TTN: variants seen among roughly 807,000 people sequenced by gnomAD.
TTN encodes the protein connectin.
A neutral mutation model predicts 3,223.0 loss-of-function variants in TTN; 1,525 were observed. The observed-to-expected ratio is 0.47, with a 90% CI of 0.45 to 0.49. The LOEUF (loss-of-function observed/expected upper bound fraction) is 0.49. Ranked by LOEUF, TTN falls within the 20% of genes least tolerant of loss-of-function variation. The pLI, the probability that TTN is intolerant of heterozygous loss-of-function variation, is 0.00. For synonymous variants in TTN, 14,094 were observed against 15,161.0 expected, an observed-to-expected ratio of 0.93 and a Z score of 5.17; for missense variants, 40,786 against 43,424.0, an observed-to-expected ratio of 0.94 and a Z score of 5.40.
chr2:178,704,419 A>G lies in TTN; in HGVS notation c.29963-12T>C. The G allele has an allele frequency of 6.2e-7, 1 of 1,609,438 alleles. No homozygotes were observed. Among genetic ancestry groups the G allele is most frequent in the Non-Finnish European group, 8.5e-7 (1 of 1,176,890 alleles). On this transcript the variant is annotated splice_polypyrimidine_tract_variant and intron_variant, in intron 105 of 362. Coordinates refer to ENST00000589042, the MANE Select transcript of TTN (RefSeq NM_001267550.2). Reference sequence around the variant, plus strand: ...TTCCCATGCAGGCTCTGTTCATGTGATACAACACGCATTTTGTTCAATATC... The same window carrying G: ...TTCCCATGCAGGCTCTGTTCATGTGGTACAACACGCATTTTGTTCAATATC...
Position 178,551,689 on chromosome 2 carries a change from G to A in TTN, c.91211C>T (p.Ser30404Phe). The change falls in exon 335 of 363, where the codon TCT becomes TTT. Residue 30404 changes from serine (S) to phenylalanine (F), a missense_variant. Physicochemically the swap from Ser to Phe is radical, Grantham distance 155 (BLOSUM62 -2). Transcript: ENST00000589042. ...DYQFRVYAENSAGLSSPSDPS... is the reference protein window; with the variant it reads ...DYQFRVYAENFAGLSSPSDPS... ...GTCACTAGGTGAGCTTAGGCCAGCA[G>A]AATTTTCAGCATATACACGGAATTG... 1 of 1,612,070 alleles carries A rather than the reference G, an allele frequency of 6.2e-7. No homozygotes were observed. The highest frequency in any genetic ancestry group is 8.5e-7 in the Non-Finnish European group (1 of 1,178,618).
chr2:178,654,207 C>G lies in TTN; in HGVS notation c.38380+1G>C, dbSNP rs1344102551. On this transcript the variant is annotated splice_donor_variant, in intron 193 of 362. Transcript: ENST00000589042. LOFTEE classifies it high-confidence loss of function. ...CTTAGCAGAGGAGAGGGAATAAATA[C>G]CTTTTGCACGTGGGGCTTCCGGTTT... 5 of 1,595,144 alleles carry G rather than the reference C, an allele frequency of 3.1e-6. No homozygotes were observed. The highest frequency in any genetic ancestry group is 1.1e-5 in the South Asian group (1 of 88,090).
At position 178,738,195 on chromosome 2, in the gene TTN, T is replaced by A; in HGVS notation, c.14258A>T (p.Tyr4753Phe). 2 of 1,613,746 alleles carry A rather than the reference T, an allele frequency of 1.2e-6. No homozygotes were observed. Among genetic ancestry groups the A allele is most frequent in the East Asian group, 2.2e-5 (1 of 44,792 alleles). ...TCTCAGGATTTCAAGGCTGGAGATA[T>A]ACTTTGAAGATCGAATAGAACACTT... ...SDKCSIRSSKYISSLEILRTQ... is the reference protein window; with the variant it reads ...SDKCSIRSSKFISSLEILRTQ... Residue 4753 changes from tyrosine to phenylalanine, a missense_variant, in exon 49 of 363, where the codon TAT (tyrosine) becomes TTT (phenylalanine). Tyr to Phe is a conservative substitution (Grantham distance 22). Coordinates refer to ENST00000589042, the MANE Select transcript of TTN (RefSeq NM_001267550.2).
In TTN at chr2:178,728,703, A is replaced by C; in HGVS notation, c.19223T>G (p.Val6408Gly). ...EKDPMTLECV[V>G]AGTPELKVKW... ...CACTTTGAGTTCTGGTGTTCCAGCC[A>C]CAACACATTCCAAGGTCATGGGATC... The change falls in exon 66 of 363, where the codon GTG becomes GGG. Residue 6408 changes from valine to glycine, a missense_variant. Coordinates refer to ENST00000589042, the MANE Select transcript of TTN (RefSeq NM_001267550.2). 1.2e-6 allele frequency: 2 copies of C among 1,613,204 alleles called. No homozygotes were observed. Among genetic ancestry groups the C allele is most frequent in the Non-Finnish European group, 1.7e-6 (2 of 1,179,342 alleles).
chr2:178,756,120 A>G (rs2086850312), intron 46 of TTN, 102 bp downstream of exon 46: 2 of 878,628 alleles, frequency 2.3e-6, no homozygotes, highest in African/African-American at 1.7e-5. Flanking sequence ...TAATTTAGAG[A>G]TATTCTAATT....
At chr2:178,799,272 G>A (rs2093927800) in intron 6 of TTN, 1 of 669,740 alleles carries the variant, frequency 1.5e-6, no homozygotes, top group South Asian at 1.8e-5. Flanking sequence ...TGAGACCCTA[G>A]TAGGCAGACA....
chr2:178,600,141 C>A (rs1335572955), intron 288 of TTN, among the ~76,000 whole-genome samples: 1 of 151,754 alleles, frequency 6.6e-6, no homozygotes, highest in African/African-American at 2.4e-5. Flanking sequence ...CATATCCTGA[C>A]AAAAGGGAAG....
intron 330 of TTN, 176 bp downstream of exon 330, chr2:178,556,672 G>A (rs548766562): frequency 1.5e-5 from 10 of 683,034 alleles, no homozygotes; most frequent in Admixed American, 8.8e-5. Context: ...CAAGTCAAGA[G>A]GGCTGGAAAG....
chr2:178,647,901 C>A (rs1322005695), intron 213 of TTN, among the ~76,000 whole-genome samples: 1 of 152,070 alleles, frequency 6.6e-6, no homozygotes, highest in African/African-American at 2.4e-5. Flanking sequence ...CCCAATGAAC[C>A]ATTCTTTTGG....
chr2:178,707,404 T>C, intron 100 of TTN, 122 bp downstream of exon 100: 1 of 1,177,872 alleles, frequency 8.5e-7, no homozygotes, highest in Non-Finnish European at 1.1e-6. Flanking sequence ...GCCTACAAAT[T>C]GCAGATGAGC....
At chr2:178,650,131 G>A (rs1290806104) in intron 210 of TTN, 33 bp downstream of exon 210, 1 of 1,526,098 alleles carries the variant, frequency 6.6e-7, no homozygotes, top group Admixed American at 2.1e-5. Context: ...TGAAATGACT[G>A]TATTTTCCCA....
Position 178,568,727 on chromosome 2 carries a change from G to A in TTN, c.77405C>T (p.Pro25802Leu). Residue 25802 changes from proline to leucine, a missense_variant, in exon 326 of 363, where the codon CCT becomes CTT. Physicochemically the swap from Pro to Leu is moderately conservative, Grantham distance 98. Coordinates refer to ENST00000589042, the MANE Select transcript of TTN (RefSeq NM_001267550.2). The stretch of plus-strand genomic sequence containing the variant: ...CTGTACACTGTAACTACTGAATGCA[G>A]GTTTTACATCTGGCTCAATTACCAG... Reference protein sequence around the residue: ...KDLVIEPDVKPAFSSYSVQVG... With the variant: ...KDLVIEPDVKLAFSSYSVQVG... 3 of 1,613,180 alleles carry A rather than the reference G, an allele frequency of 1.9e-6. No individual in the cohort carries two copies. The highest frequency in any genetic ancestry group is 2.5e-6 in the Non-Finnish European group (3 of 1,179,508).
chr2:178,637,891 GAA>G (rs1486407832), intron 223 of TTN, among the ~76,000 whole-genome samples: 1 of 151,926 alleles, frequency 6.6e-6, no homozygotes, highest in East Asian at 1.9e-4. Context: ...GAAGACTAAG[GAA>G]AAAGAGTCCA....
Position 178,667,514 on chromosome 2 carries a change from G to A in TTN, c.35641C>T (p.Pro11881Ser). The A allele has an allele frequency of 6.3e-7, 1 of 1,597,766 alleles. No homozygotes were observed. The highest frequency in any genetic ancestry group is 1.7e-5 in the Admixed American group (1 of 59,800). Residue 11881 changes from proline to serine, a missense_variant, in exon 161 of 363, where the codon CCC becomes TCC. Coordinates refer to ENST00000589042, the MANE Select transcript of TTN (RefSeq NM_001267550.2). ...KPKLAKVPEP[P>S]KKVVPEDKIY... Reference sequence around the variant, plus strand: ...TTGTCTTCTGGAACAACTTTCTTGGGTGGCTCAGGCACTTAAAAGATATGA... The same window carrying A: ...TTGTCTTCTGGAACAACTTTCTTGGATGGCTCAGGCACTTAAAAGATATGA...
At chr2:178,680,637 A>T (rs1449332220) in intron 138 of TTN, among the ~76,000 whole-genome samples, 1 of 152,032 alleles carries the variant, frequency 6.6e-6, no homozygotes, top group Admixed American at 6.6e-5. Flanking sequence ...TTACTTCTCA[A>T]TTAGTATACT....
In TTN at chr2:178,604,215, C is replaced by T; in HGVS notation, c.54472G>A (p.Val18158Ile). 2 of 1,610,528 alleles carry T rather than the reference C, an allele frequency of 1.2e-6. No homozygotes were observed. Among genetic ancestry groups the T allele is most frequent in the Non-Finnish European group, 1.7e-6 (2 of 1,178,182 alleles). The change falls in exon 282 of 363, where the codon GTA becomes ATA. Residue 18158 changes from valine to isoleucine, a missense_variant. Transcript: ENST00000589042. ...AGGCGATAAGGATCTTGAATGACTA[C>T]TTTATCTGATTTGCACTCATCACTG... ...GISDECKSDK[V>I]VIQDPYRLPG... is the part of the protein sequence containing the mutation.
Position 178,531,508 on chromosome 2 carries a change from T to C in TTN, c.105107A>G (p.Tyr35036Cys). ...YATLDVTGGD[Y>C]TTYASQRRDE... ...TCTGCGTTGGGAAGCATAGGTGGTA[T>C]AATCCCCTCCTGTCACGTCCAACGT... The change falls in exon 358 of 363, where the codon TAT (tyrosine) becomes TGT (cysteine). Residue 35036 changes from tyrosine (Y) to cysteine (C), a missense_variant. By Grantham distance (194) the Tyr-to-Cys change is radical. Transcript: ENST00000589042. 3 of 1,613,930 alleles carry C rather than the reference T, an allele frequency of 1.9e-6. No individual in the cohort carries two copies. The highest frequency in any genetic ancestry group is 2.5e-6 in the Non-Finnish European group (3 of 1,179,870).
intron 49 of TTN, chr2:178,737,210 G>A (rs945783670): frequency 2.0e-5 from 3 of 152,116 alleles, no homozygotes; most frequent in African/African-American, 7.2e-5. Flanking sequence ...AGGCATTCAA[G>A]TATTTGATGA....
rs181717727 is a variant in TTN at position 178,584,879 on chromosome 2, C to T, written c.64762G>A (p.Gly21588Arg). The change falls in exon 310 of 363, where the codon GGA becomes AGA. Residue 21588 changes from glycine to arginine, a missense_variant. Gly to Arg is a moderately radical substitution (Grantham distance 125). Coordinates refer to ENST00000589042, the MANE Select transcript of TTN (RefSeq NM_001267550.2). ...SLSWHIPLED[G>R]GSNITNYIVE... ...ATATAATTGGTGATGTTACTGCCTCCGTCCTCCAGAGGGATGTGCCATGAC... is the reference window on the plus strand; with the variant it reads ...ATATAATTGGTGATGTTACTGCCTCTGTCCTCCAGAGGGATGTGCCATGAC... 997 of 1,613,318 alleles carry T rather than the reference C, an allele frequency of 6.2e-4. 8 individuals carry two copies. In the African/African-American group the frequency reaches 8.3e-3, roughly 13 times the overall value.
Sources: gnomAD v4.1 joint callset for allele counts (sites outside exome capture counted in the v4.1 genomes callset) on GRCh38, gnomAD v4.1.1 for gene constraint, MANE v1.5 for transcripts, NCBI Gene and HGNC (gene_info 2026-07-23, HGNC 2026-07-21) for gene names.